FRMD4A: variants seen among roughly 807,000 people sequenced by gnomAD.
FRMD4A encodes the protein FERM domain containing 4A.
A neutral mutation model predicts 129.1 loss-of-function variants in FRMD4A; 29 were observed. The observed-to-expected ratio is 0.22, with a 90% CI of 0.17 to 0.31. The LOEUF (loss-of-function observed/expected upper bound fraction) is 0.31. FRMD4A is among the 10% of genes least tolerant of loss of function. FRMD4A has a pLI of 1.00. For missense variants in FRMD4A, 1,272 were observed against 1,375.8 expected (o/e 0.92, Z 1.19); for synonymous variants, 634 against 571.6 (o/e 1.11, Z -1.56).
intron 3 of FRMD4A, among the ~76,000 whole-genome samples, chr10:13,849,246 C>A (rs111288850): frequency 2.2e-4 from 33 of 152,300 alleles, no homozygotes; most frequent in African/African-American, 7.2e-4. Flanking sequence ...CCAGCTTCTG[C>A]ACACGCCTTC....
intron 3 of FRMD4A, among the ~76,000 whole-genome samples, chr10:13,811,369 G>A (rs2093442543): frequency 6.7e-6 from 1 of 149,702 alleles, no homozygotes; most frequent in South Asian, 2.1e-4. Context: ...CTGGCTTCAA[G>A]TGATCCACCT....
At chr10:14,015,090 C>A (rs1238543373) in intron 2 of FRMD4A, among the ~76,000 whole-genome samples, 1 of 116,436 alleles carries the variant, frequency 8.6e-6, no homozygotes. Context: ...CTCTCTCTTT[C>A]CCTCCCTCCC....
chr10:14,143,394 T>C (rs1839930559), intron 2 of FRMD4A, among the ~76,000 whole-genome samples: 1 of 152,226 alleles, frequency 6.6e-6, no homozygotes, highest in African/African-American at 2.4e-5. Context: ...GGACAAATAC[T>C]ATATGATTCC....
chr10:13,937,281 T>C (rs747193474), intron 2 of FRMD4A, among the ~76,000 whole-genome samples: 15 of 152,202 alleles, frequency 9.9e-5, no homozygotes, highest in Non-Finnish European at 2.1e-4. Context: ...ATTACAGTGG[T>C]GCTTCCTGGA....
At chr10:14,004,832 T>C (rs2095656055) in intron 2 of FRMD4A, among the ~76,000 whole-genome samples, 2 of 152,064 alleles carry the variant, frequency 1.3e-5, no homozygotes, top group Admixed American at 6.5e-5. Context: ...AAATAGCAAA[T>C]AGACAAGCCT....
chr10:13,815,764 C>T (rs907503078), intron 3 of FRMD4A, among the ~76,000 whole-genome samples: 2 of 152,172 alleles, frequency 1.3e-5, no homozygotes, highest in African/African-American at 4.8e-5. Flanking sequence ...TGGATTTATA[C>T]ATCAGTACTT....
intron 2 of FRMD4A, among the ~76,000 whole-genome samples, chr10:13,975,378 T>C (rs1419149473): frequency 3.3e-5 from 5 of 151,964 alleles, no homozygotes; most frequent in Non-Finnish European, 5.9e-5. Flanking sequence ...GTGTGTCTAC[T>C]GCATATGTCT....
At chr10:14,102,358 C>G (rs2131777091) in intron 2 of FRMD4A, among the ~76,000 whole-genome samples, 1 of 152,340 alleles carries the variant, frequency 6.6e-6, no homozygotes, top group East Asian at 1.9e-4. Flanking sequence ...GAAACCCCAT[C>G]TCTACTAAAA....
chr10:13,760,652 A>C (rs548756785), intron 8 of FRMD4A, among the ~76,000 whole-genome samples: 55 of 152,348 alleles, frequency 3.6e-4, no homozygotes, highest in African/African-American at 1.3e-3. Context: ...CAACAGAAGT[A>C]GTTTTTGCTG....
intron 2 of FRMD4A, among the ~76,000 whole-genome samples, chr10:14,192,480 A>C (rs550832991): frequency 6.6e-6 from 1 of 152,256 alleles, no homozygotes; most frequent in African/African-American, 2.4e-5. Flanking sequence ...ACAGTGGTGC[A>C]CTGTTGTGAG....
intron 14 of FRMD4A, among the ~76,000 whole-genome samples, chr10:13,699,919 G>A (rs1184061876): frequency 1.3e-5 from 2 of 152,112 alleles, no homozygotes; most frequent in Non-Finnish European, 2.9e-5. Flanking sequence ...GGAGAATACT[G>A]TCATTATTCC....
intron 2 of FRMD4A, among the ~76,000 whole-genome samples, chr10:14,155,895 C>T (rs1395545865): frequency 1.3e-5 from 2 of 152,110 alleles, no homozygotes; most frequent in Non-Finnish European, 2.9e-5. Flanking sequence ...TACATAGATA[C>T]AAATGCTACA....
intron 2 of FRMD4A, among the ~76,000 whole-genome samples, chr10:14,312,409 G>T (rs544570023): frequency 6.6e-6 from 1 of 152,016 alleles, no homozygotes; most frequent in Admixed American, 6.6e-5. Context: ...AAACTAATTC[G>T]CATGATATCC....
intron 2 of FRMD4A, among the ~76,000 whole-genome samples, chr10:14,202,783 A>T (rs1589161769): frequency 6.6e-6 from 1 of 151,480 alleles, no homozygotes; most frequent in African/African-American, 2.4e-5. Context: ...TGAACATTTT[A>T]TTTTTTTGAA....
chr10:14,176,968 G>A (rs17154774), intron 2 of FRMD4A, among the ~76,000 whole-genome samples: 6 of 152,064 alleles, frequency 3.9e-5, no homozygotes, highest in Admixed American at 2.6e-4. Context: ...TTGAGACATC[G>A]CCCATGCCAT....
At chr10:13,846,328 T>C (rs1268085197) in intron 3 of FRMD4A, among the ~76,000 whole-genome samples, 1 of 152,240 alleles carries the variant, frequency 6.6e-6, no homozygotes, top group East Asian at 1.9e-4. Flanking sequence ...ATGTGTTTGC[T>C]TATTAGCATA....
intron 2 of FRMD4A, among the ~76,000 whole-genome samples, chr10:14,205,594 G>A (rs1842758122): frequency 6.6e-6 from 1 of 151,936 alleles, no homozygotes; most frequent in Non-Finnish European, 1.5e-5. Flanking sequence ...ATCACTTGAG[G>A]CCAGGAGTTC....
intron 5 of FRMD4A, among the ~76,000 whole-genome samples, chr10:13,793,491 C>T (rs1185377337): frequency 2.6e-5 from 4 of 152,072 alleles, no homozygotes; most frequent in East Asian, 1.9e-4. Flanking sequence ...TCAGGTGGCT[C>T]GATTCTGCTT....
In FRMD4A at chr10:14,045,426, T is replaced by G. The variant is rs373263644; in HGVS notation, c.46-186514A>C. The stretch of plus-strand genomic sequence containing the variant: ...GGTGTGGGTACTCGCTCTCTTAATG[T>G]CCACTGCTGACATGTCTATTACGCA... On this transcript the variant is annotated intron_variant, in intron 2 of 24. Transcript: ENST00000357447. 2.4e-3 allele frequency among the ~76,000 whole-genome samples: 362 copies of G among 152,236 alleles called. 1 individual carries two copies. Among genetic ancestry groups the G allele is most frequent in the African/African-American group, 7.9e-3 (330 of 41,546 alleles).
Sources: gnomAD v4.1 joint callset for allele counts (sites outside exome capture counted in the v4.1 genomes callset) on GRCh38, gnomAD v4.1.1 for gene constraint, MANE v1.5 for transcripts, NCBI Gene and HGNC (gene_info 2026-07-23, HGNC 2026-07-21) for gene names.